SLC41A2: variants seen among roughly 807,000 people sequenced by gnomAD.
The protein encoded by SLC41A2 is solute carrier family 41 member 2.
Under a neutral mutation model 58.3 loss-of-function variants are expected in SLC41A2, and 32 were observed. The ratio of observed to expected loss-of-function variants is 0.55; its 90% CI spans 0.41 to 0.74. The LOEUF is 0.74. Ranked by LOEUF, SLC41A2 falls within the 30% of genes least tolerant of loss-of-function variation. SLC41A2 has a pLI of 0.00. For synonymous variants in SLC41A2, 190 were observed against 235.0 expected, an observed-to-expected ratio of 0.81 and a Z score of 1.75; for missense variants, 514 against 680.6, an observed-to-expected ratio of 0.76 and a Z score of 2.72.
At chr12:104,940,494 T>C (rs1245866343) in intron 1 of SLC41A2, among the ~76,000 whole-genome samples, 1 of 125,482 alleles carries the variant, frequency 8.0e-6, no homozygotes, top group African/African-American at 3.0e-5. Flanking sequence ...ATTTAAAGTA[T>C]AATAAAAAAC....
chr12:104,819,748 A>T (rs1307393566), intron 10 of SLC41A2, among the ~76,000 whole-genome samples: 1 of 152,218 alleles, frequency 6.6e-6, no homozygotes, highest in Non-Finnish European at 1.5e-5. Context: ...GTAGGGTTCC[A>T]GCTAGAGATT....
intron 10 of SLC41A2, among the ~76,000 whole-genome samples, chr12:104,820,644 A>ATT (rs1373061270): frequency 2.0e-5 from 3 of 151,082 alleles, no homozygotes; most frequent in Non-Finnish European, 4.4e-5. Flanking sequence ...AATGTAGGGA[A>ATT]TTTTTTTCTT....
At chr12:104,950,384 C>T (rs1485128994) in intron 1 of SLC41A2, among the ~76,000 whole-genome samples, 1 of 152,210 alleles carries the variant, frequency 6.6e-6, no homozygotes, top group Non-Finnish European at 1.5e-5. Context: ...ACTCCTCACA[C>T]TTCTCTCTCT....
At chr12:104,824,160 T>G (rs1292779645) in intron 10 of SLC41A2, among the ~76,000 whole-genome samples, 2 of 151,624 alleles carry the variant, frequency 1.3e-5, no homozygotes, top group African/African-American at 4.8e-5. Flanking sequence ...TGGACCTACG[T>G]GAAGACAGGC....
chr12:104,931,642 C>A (rs1451464979), intron 1 of SLC41A2: 1 of 152,186 alleles, frequency 6.6e-6, no homozygotes, highest in Admixed American at 6.5e-5. Context: ...AGGGCTATTT[C>A]AGAGGGGAAG....
chr12:104,922,918 C>G (rs1424832426), intron 2 of SLC41A2, among the ~76,000 whole-genome samples: 1 of 151,938 alleles, frequency 6.6e-6, no homozygotes, highest in Non-Finnish European at 1.5e-5. Context: ...CCACATGCTC[C>G]TGAGTGACCA....
intron 10 of SLC41A2, among the ~76,000 whole-genome samples, chr12:104,840,656 T>C (rs1327773272): frequency 2.0e-5 from 3 of 152,194 alleles, no homozygotes; most frequent in African/African-American, 7.2e-5. Context: ...GAATAGAGTA[T>C]AATCCATCAC....
At chr12:104,904,018 A>G (rs1413802606) in intron 3 of SLC41A2, among the ~76,000 whole-genome samples, 3 of 152,314 alleles carry the variant, frequency 2.0e-5, no homozygotes, top group East Asian at 3.9e-4. Flanking sequence ...AAAAGATTAA[A>G]TTCACCTTCA....
chr12:104,950,345 A>G (rs1485071177), intron 1 of SLC41A2, among the ~76,000 whole-genome samples: 2 of 152,008 alleles, frequency 1.3e-5, no homozygotes, highest in Non-Finnish European at 2.9e-5. Flanking sequence ...ATGAGATCTG[A>G]TGGTTTTATA....
chr12:104,842,566 T>C (rs1158724724), intron 10 of SLC41A2, among the ~76,000 whole-genome samples: 1 of 152,094 alleles, frequency 6.6e-6, no homozygotes, highest in Non-Finnish European at 1.5e-5. Context: ...ACACTTTATA[T>C]AAATAATTCA....
At chr12:104,908,724 T>C (rs78643080) in intron 3 of SLC41A2, among the ~76,000 whole-genome samples, 1,879 of 152,350 alleles carry the variant, frequency 0.012, 51 homozygotes, top group African/African-American at 0.043. Flanking sequence ...CAATGTCCTT[T>C]TGAGCTTCTG....
intron 1 of SLC41A2, among the ~76,000 whole-genome samples, chr12:104,944,870 T>TAA (rs60609201): frequency 0.014 from 1,856 of 136,116 alleles, 46 homozygotes; most frequent in African/African-American, 0.045. Context: ...GTATTCAATG[T>TAA]AAAAAAAAAA....
intron 10 of SLC41A2, among the ~76,000 whole-genome samples, chr12:104,829,662 T>C (rs2041973946): frequency 6.6e-6 from 1 of 151,936 alleles, no homozygotes; most frequent in South Asian, 2.1e-4. Context: ...TCTTTGAAGA[T>C]TGCAGATTTC....
intron 10 of SLC41A2, among the ~76,000 whole-genome samples, chr12:104,827,841 T>C (rs531950348): frequency 1.3e-5 from 2 of 152,248 alleles, no homozygotes; most frequent in South Asian, 2.1e-4. Context: ...CAGTAAGATA[T>C]ACCTCTTCAG....
chr12:104,939,498 C>A (rs1284590045), intron 1 of SLC41A2, among the ~76,000 whole-genome samples: 1 of 152,152 alleles, frequency 6.6e-6, no homozygotes, highest in African/African-American at 2.4e-5. Flanking sequence ...CCACCATGCC[C>A]AGCCATAAAA....
At chr12:104,822,445 C>T (rs936411245) in intron 10 of SLC41A2, among the ~76,000 whole-genome samples, 6 of 152,154 alleles carry the variant, frequency 3.9e-5, no homozygotes, top group East Asian at 3.9e-4. Flanking sequence ...CTTTCCAAAG[C>T]GCTACTCAAA....
At chr12:104,909,067 C>A (rs1216616015) in intron 3 of SLC41A2, among the ~76,000 whole-genome samples, 1 of 152,062 alleles carries the variant, frequency 6.6e-6, no homozygotes, top group East Asian at 1.9e-4. Context: ...GAAAGATGAT[C>A]ATGATGTATT....
intron 7 of SLC41A2, among the ~76,000 whole-genome samples, chr12:104,863,906 A>C (rs1175691134): frequency 6.6e-6 from 1 of 151,760 alleles, no homozygotes; most frequent in Non-Finnish European, 1.5e-5. Context: ...TCACATGTGT[A>C]ACTAAGTTTA....
Position 104,866,576 on chromosome 12 carries a change from G to T in SLC41A2, c.1031C>A (p.Thr344Asn). Residue 344 changes from threonine (T) to asparagine (N), a missense_variant, in exon 7 of 11, where the codon ACC (threonine) becomes AAC (asparagine). This residue lies in a region of SLC41A2 where 336 missense variants were observed against 430.0 expected (regional missense o/e 0.78). Transcript: ENST00000258538. Reference sequence around the variant, plus strand: ...AACTAATGGAGAAATGTAGTAATAGGTCTCTAAAATTAAAAAAAAAAAAAA... The same window carrying T: ...AACTAATGGAGAAATGTAGTAATAGTTCTCTAAAATTAAAAAAAAAAAAAA... ...ISQGLYSCLETYYYISPLVGV... is the reference protein window; with the variant it reads ...ISQGLYSCLENYYYISPLVGV... 6.6e-7 allele frequency: 1 copy of T among 1,506,496 alleles called. No individual in the cohort carries two copies. Among genetic ancestry groups the T allele is most frequent in the Non-Finnish European group, 8.8e-7 (1 of 1,134,578 alleles). 93.3% of individuals were successfully genotyped at this position (1,506,496 alleles called of 1,614,324 possible). A position where few individuals can be genotyped will look rare whatever the true frequency, so the allele number is the denominator to read the frequency against.
Sources: allele counts gnomAD v4.1 joint callset (sites outside exome capture counted in the v4.1 genomes callset), GRCh38; gene constraint gnomAD v4.1.1; regional missense constraint gnomAD v4.1.1; transcripts MANE v1.5; gene names NCBI Gene and HGNC (gene_info 2026-07-23, HGNC 2026-07-21).